EPHA6: variants seen among roughly 807,000 people sequenced by gnomAD.
EPHA6 encodes the protein EPH receptor A6.
In EPHA6, 50 loss-of-function variants were observed where a neutral mutation model predicts 112.0. That is an observed-to-expected ratio of 0.45 (90% CI 0.36 to 0.56). The LOEUF is 0.56. EPHA6 is among the 20% of genes least tolerant of loss of function. The probability of loss-of-function intolerance (pLI) is 0.00; values close to 1 mark genes in which losing one functional copy is unlikely to be tolerated. For synonymous variants in EPHA6, 529 were observed against 490.7 expected (o/e 1.08, Z -1.03); for missense variants, 1,280 against 1,417.4 (o/e 0.90, Z 1.56).
At chr3:97,120,769 T>G (rs2048019079) in intron 3 of EPHA6, among the ~76,000 whole-genome samples, 1 of 151,952 alleles carries the variant, frequency 6.6e-6, no homozygotes, top group Non-Finnish European at 1.5e-5. Context: ...AATACAACGA[T>G]GAGTGTGTTT....
At chr3:97,039,457 G>A (rs2045235433) in intron 3 of EPHA6, among the ~76,000 whole-genome samples, 1 of 152,016 alleles carries the variant, frequency 6.6e-6, no homozygotes, top group Non-Finnish European at 1.5e-5. Flanking sequence ...ATTGAAGAAT[G>A]AATGGGAAAT....
chr3:97,115,348 A>G (rs1365918391), intron 3 of EPHA6, among the ~76,000 whole-genome samples: 1 of 151,440 alleles, frequency 6.6e-6, no homozygotes, highest in East Asian at 1.9e-4. Flanking sequence ...ACTATGAGAT[A>G]TAATTATTAC....
intron 2 of EPHA6, among the ~76,000 whole-genome samples, chr3:96,924,635 C>G (rs1472559833): frequency 6.6e-6 from 1 of 151,906 alleles, no homozygotes; most frequent in African/African-American, 2.4e-5. Flanking sequence ...ATTTTTTTCT[C>G]TTGCTTGATT....
intron 5 of EPHA6, among the ~76,000 whole-genome samples, chr3:97,262,104 AAG>A (rs1340090444): frequency 6.6e-6 from 1 of 152,162 alleles, no homozygotes; most frequent in Non-Finnish European, 1.5e-5. Context: ...AAATAATGAA[AAG>A]ATTAAGATAG....
At chr3:97,351,850 C>A (rs991584) in intron 5 of EPHA6, among the ~76,000 whole-genome samples, 3,269 of 152,052 alleles carry the variant, frequency 0.021, 88 homozygotes, top group African/African-American at 0.067. Flanking sequence ...AGATACTAAC[C>A]ATTACTAATA....
At chr3:96,861,958 T>C (rs2036032917) in intron 1 of EPHA6, among the ~76,000 whole-genome samples, 1 of 151,880 alleles carries the variant, frequency 6.6e-6, no homozygotes, top group Non-Finnish European at 1.5e-5. Flanking sequence ...GAATTAAATA[T>C]GGTTGCAACT....
chr3:96,849,974 A>C (rs903032093), intron 1 of EPHA6, among the ~76,000 whole-genome samples: 1 of 152,192 alleles, frequency 6.6e-6, no homozygotes, highest in African/African-American at 2.4e-5. Flanking sequence ...TCATAAACTG[A>C]GATGAAATTC....
At chr3:97,457,029 GA>G in intron 7 of EPHA6, among the ~76,000 whole-genome samples, 1 of 152,108 alleles carries the variant, frequency 6.6e-6, no homozygotes, top group Non-Finnish European at 1.5e-5. Flanking sequence ...TTAGTTGTTA[GA>G]AAAACATCAA....
intron 3 of EPHA6, among the ~76,000 whole-genome samples, chr3:97,018,744 G>C (rs566517307): frequency 1.1e-4 from 16 of 152,198 alleles, no homozygotes; most frequent in Non-Finnish European, 2.4e-4. Context: ...CCGCAAGCGA[G>C]CTTGACTAAT....
chr3:97,414,702 A>G (rs1229597946), intron 6 of EPHA6, among the ~76,000 whole-genome samples: 1 of 152,090 alleles, frequency 6.6e-6, no homozygotes, highest in Non-Finnish European at 1.5e-5. Context: ...TTGACCAGAT[A>G]TAATTTTTGC....
At chr3:96,920,221 C>G (rs2039689615) in intron 2 of EPHA6, among the ~76,000 whole-genome samples, 1 of 151,814 alleles carries the variant, frequency 6.6e-6, no homozygotes, top group African/African-American at 2.4e-5. Flanking sequence ...GACCTCTCTT[C>G]CTACAGCCAA....
chr3:97,515,068 C>T (rs1264162824), intron 10 of EPHA6, among the ~76,000 whole-genome samples: 2 of 152,186 alleles, frequency 1.3e-5, no homozygotes, highest in Non-Finnish European at 2.9e-5. Flanking sequence ...TGGGATATCA[C>T]AGCCTAAAGA....
intron 5 of EPHA6, among the ~76,000 whole-genome samples, chr3:97,279,708 C>T (rs1259028090): frequency 6.6e-6 from 1 of 152,084 alleles, no homozygotes; most frequent in Non-Finnish European, 1.5e-5. Flanking sequence ...TATGTTTAAT[C>T]TTGATGTTTA....
intron 5 of EPHA6, among the ~76,000 whole-genome samples, chr3:97,260,140 C>A (rs1448045971): frequency 6.6e-6 from 1 of 152,106 alleles, no homozygotes; most frequent in African/African-American, 2.4e-5. Context: ...TTATAAGATA[C>A]AAATTGTAAA....
At chr3:97,141,866 G>GA (rs1172929701) in intron 3 of EPHA6, among the ~76,000 whole-genome samples, 1 of 151,788 alleles carries the variant, frequency 6.6e-6, no homozygotes, top group African/African-American at 2.4e-5. Flanking sequence ...CAAAAAACAA[G>GA]AAAAAGATAC....
intron 2 of EPHA6, among the ~76,000 whole-genome samples, chr3:96,873,954 A>G (rs1376090950): frequency 6.6e-6 from 1 of 152,144 alleles, no homozygotes; most frequent in South Asian, 2.1e-4. Context: ...CACGTTATAT[A>G]TGAAAAAACT....
chr3:97,061,156 G>A (rs140754546), intron 3 of EPHA6, among the ~76,000 whole-genome samples: 2,329 of 152,262 alleles, frequency 0.015, 33 homozygotes, highest in Non-Finnish European at 0.024. Context: ...AAGAAATGAG[G>A]TGACAGGAAT....
chr3:97,562,351 A>G lies in EPHA6; in HGVS notation c.2386+29808A>G, dbSNP rs561562450. Among the ~76,000 whole-genome samples the G allele has an allele frequency of 2.4e-4, 36 of 152,264 alleles. 1 individual carries two copies. The highest frequency in any genetic ancestry group is 6.3e-4 in the African/African-American group (26 of 41,562). ...TTCATGGGAGGAGGTCAAAATTTCA[A>G]TGTTAACAGGAGTTTGGAAGAAGTT... On this transcript the variant is annotated intron_variant, in intron 11 of 17. Coordinates refer to ENST00000389672, the MANE Select transcript of EPHA6 (RefSeq NM_001080448.3).
intron 11 of EPHA6, among the ~76,000 whole-genome samples, chr3:97,561,069 A>T (rs1171215909): frequency 6.6e-6 from 1 of 151,912 alleles, no homozygotes; most frequent in Non-Finnish European, 1.5e-5. Flanking sequence ...GTGTTTTCTG[A>T]CTGTTCCACC....
Sources: allele counts gnomAD v4.1 joint callset (sites outside exome capture counted in the v4.1 genomes callset), GRCh38; gene constraint gnomAD v4.1.1; transcripts MANE v1.5; gene names NCBI Gene and HGNC (gene_info 2026-07-23, HGNC 2026-07-21).